The following NR2C2 variants were observed in gnomAD, a reference collection of about 807,000 sequenced individuals.
NR2C2 encodes the protein Nuclear hormone receptor TR4.
A neutral mutation model predicts 62.9 loss-of-function variants in NR2C2; 6 were observed. The ratio of observed to expected loss-of-function variants is 0.10; its 90% confidence interval spans 0.05 to 0.19. NR2C2 has a LOEUF of 0.19. Ranked by LOEUF, NR2C2 falls within the 10% of genes least tolerant of loss-of-function variation. The pLI, the probability that NR2C2 is intolerant of heterozygous loss-of-function variation, is 1.00. For missense variants in NR2C2, 479 were observed against 762.7 expected (o/e 0.63, Z 4.38); for synonymous variants, 272 against 273.8 (o/e 0.99, Z 0.07).
At chr3:14,997,171 AC>A (rs1177355928) in intron 1 of NR2C2, among the ~76,000 whole-genome samples, 3 of 152,180 alleles carry the variant, frequency 2.0e-5, no homozygotes, top group African/African-American at 7.2e-5. Context: ...ACAGATACTT[AC>A]CATTCTGTTA....
chr3:15,030,510 C>G (rs946478491), intron 9 of NR2C2, 58 bp downstream of exon 9: 7 of 1,461,736 alleles, frequency 4.8e-6, no homozygotes, highest in Non-Finnish European at 6.4e-6. Context: ...GGTTCTGTAC[C>G]AAAGCCGATC....
At chr3:15,032,885 T>C (rs1346569601) in intron 10 of NR2C2, among the ~76,000 whole-genome samples, 1 of 152,172 alleles carries the variant, frequency 6.6e-6, no homozygotes, top group Non-Finnish European at 1.5e-5. Flanking sequence ...TCCTCAAACA[T>C]GGATTTACAA....
intron 5 of NR2C2, among the ~76,000 whole-genome samples, chr3:15,022,499 G>C (rs1340472835): frequency 6.7e-6 from 1 of 148,690 alleles, no homozygotes; most frequent in Non-Finnish European, 1.5e-5. Flanking sequence ...CCGCCTCCCA[G>C]GTTCAAGCAA....
intron 1 of NR2C2, among the ~76,000 whole-genome samples, chr3:14,982,541 C>T (rs1168446236): frequency 6.6e-6 from 1 of 152,052 alleles, no homozygotes; most frequent in Non-Finnish European, 1.5e-5. Flanking sequence ...AAAAATTAAG[C>T]ACGTCTTTAT....
intron 1 of NR2C2, among the ~76,000 whole-genome samples, chr3:14,949,298 C>T (rs57136688): frequency 0.036 from 5,554 of 152,260 alleles, 362 homozygotes; most frequent in African/African-American, 0.12. Flanking sequence ...GTCAGGGTGG[C>T]CTCTCTGAGT....
chr3:14,978,530 G>A (rs2040271616), intron 1 of NR2C2, among the ~76,000 whole-genome samples: 1 of 152,144 alleles, frequency 6.6e-6, no homozygotes, highest in African/African-American at 2.4e-5. Flanking sequence ...GTAAGTTGAG[G>A]ACTGTTCGTC....
At chr3:15,018,970 G>A (rs1366584461) in intron 4 of NR2C2, among the ~76,000 whole-genome samples, 5 of 133,798 alleles carry the variant, frequency 3.7e-5, no homozygotes, top group East Asian at 2.2e-4. Context: ...AGCCAAGATC[G>A]CACCACTGCA....
chr3:15,020,525 T>G (rs1162038392), intron 4 of NR2C2, among the ~76,000 whole-genome samples: 1 of 152,124 alleles, frequency 6.6e-6, no homozygotes, highest in Non-Finnish European at 1.5e-5. Flanking sequence ...CCTGTCTGAG[T>G]TTCAGTATTT....
At chr3:15,037,929 G>A in intron 11 of NR2C2, 71 bp from the exon 12 acceptor site, 16 of 1,455,628 alleles carry the variant, frequency 1.1e-5, no homozygotes, top group Non-Finnish European at 1.5e-5. Flanking sequence ...CTTTCCATAT[G>A]TGGCCCCTCA....
intron 1 of NR2C2, among the ~76,000 whole-genome samples, chr3:14,988,984 T>A (rs2040588734): frequency 6.6e-6 from 1 of 152,210 alleles, no homozygotes. Flanking sequence ...TAAATATCCG[T>A]AATACCTCTT....
In NR2C2 at chr3:15,030,500, G is replaced by A. The variant is rs757390555; in HGVS notation, c.1110+48G>A. On this transcript the variant is annotated intron_variant, in intron 9 of 13. Coordinates refer to ENST00000425241, the MANE Select transcript of NR2C2 (RefSeq NM_001291694.2). ...TGTGCCCCCAACCTGCTGGGGGATAGGTTCTGTACCAAAGCCGATCTGCAG... is the reference window on the plus strand; with the variant it reads ...TGTGCCCCCAACCTGCTGGGGGATAAGTTCTGTACCAAAGCCGATCTGCAG... 5 of 1,498,568 alleles carry A rather than the reference G, an allele frequency of 3.3e-6. No homozygotes were observed. In the South Asian group the frequency reaches 4.1e-5, roughly 12 times the overall value. 92.8% of individuals were successfully genotyped at this position (1,498,568 alleles called of 1,614,324 possible). A position where few individuals can be genotyped will look rare whatever the true frequency, so the allele number is the denominator to read the frequency against.
In NR2C2 at chr3:15,047,071, T is replaced by G. The variant is rs2125120946; in HGVS notation, c.*4063T>G. ...CTGAATGAATGTACATGTGTTTATA[T>G]CCTCTCCATATGTACAGTGTATATA... On this transcript the variant is annotated 3_prime_UTR_variant, in exon 14 of 14. Transcript: ENST00000425241. 6.5e-6 allele frequency: 1 copy of G among 152,772 alleles called. No individual in the cohort carries two copies. The highest frequency in any genetic ancestry group is 1.5e-5 in the Non-Finnish European group (1 of 68,040). 9.5% of individuals were successfully genotyped at this position (152,772 alleles called of 1,614,324 possible).
At chr3:14,998,438 A>G (rs1235093867) in intron 1 of NR2C2, among the ~76,000 whole-genome samples, 1 of 152,206 alleles carries the variant, frequency 6.6e-6, no homozygotes, top group African/African-American at 2.4e-5. Flanking sequence ...GTTATTGTCC[A>G]TGTTTAACAT....
chr3:14,992,877 C>T (rs1402990476), intron 1 of NR2C2, among the ~76,000 whole-genome samples: 2 of 152,172 alleles, frequency 1.3e-5, no homozygotes, highest in African/African-American at 4.8e-5. Flanking sequence ...GGCAGTTTTC[C>T]TGTCAAGGTA....
intron 1 of NR2C2, among the ~76,000 whole-genome samples, chr3:15,002,112 G>A (rs1020461262): frequency 6.6e-6 from 1 of 152,094 alleles, no homozygotes; most frequent in Non-Finnish European, 1.5e-5. Context: ...AACCCCTAGT[G>A]CAATGTTGAG....
At chr3:14,979,027 C>G (rs1393666403) in intron 1 of NR2C2, among the ~76,000 whole-genome samples, 1 of 152,076 alleles carries the variant, frequency 6.6e-6, no homozygotes, top group African/African-American at 2.4e-5. Flanking sequence ...CATTAATATC[C>G]CCCCATAGTC....
chr3:15,035,665 C>T (rs1351573955), intron 11 of NR2C2, among the ~76,000 whole-genome samples: 3 of 152,160 alleles, frequency 2.0e-5, no homozygotes, highest in Non-Finnish European at 4.4e-5. Context: ...GAGGCCAAGA[C>T]GGGGGATCAC....
intron 1 of NR2C2, among the ~76,000 whole-genome samples, chr3:14,972,166 TTTTC>T (rs1178624845): frequency 4.0e-5 from 6 of 150,754 alleles, no homozygotes; most frequent in Non-Finnish European, 7.4e-5. Flanking sequence ...TTTTTTTTCT[TTTTC>T]TTTCTTTTTT....
intron 2 of NR2C2, among the ~76,000 whole-genome samples, chr3:15,010,828 G>A (rs2041332893): frequency 6.6e-6 from 1 of 152,038 alleles, no homozygotes; most frequent in Non-Finnish European, 1.5e-5. Context: ...CCTCATACTT[G>A]CCATACCTCA....
Sources: gnomAD v4.1 joint callset for allele counts (sites outside exome capture counted in the v4.1 genomes callset) on GRCh38, gnomAD v4.1.1 for gene constraint, MANE v1.5 for transcripts, NCBI Gene and HGNC (gene_info 2026-07-23, HGNC 2026-07-21) for gene names.